The following SRGAP1 variants were observed in gnomAD, a reference collection of about 807,000 sequenced individuals.
SRGAP1 encodes the protein SLIT-ROBO Rho GTPase-activating protein 1.
SRGAP1 carries 43 observed loss-of-function variants against 121.9 expected under a neutral mutation model. That is an observed-to-expected ratio of 0.35 (90% CI 0.28 to 0.46). The LOEUF (loss-of-function observed/expected upper bound fraction) is 0.46, where lower values mean the gene tolerates loss of function less well. Ranked by LOEUF, SRGAP1 falls within the 20% of genes least tolerant of loss-of-function variation. SRGAP1 has a pLI of 1.00. For synonymous variants in SRGAP1, 447 were observed against 485.4 expected (o/e 0.92, Z 1.04); for missense variants, 1,102 against 1,350.9 (o/e 0.82, Z 2.89).
At chr12:63,969,328 AG>A (rs1328770062) in intron 1 of SRGAP1, among the ~76,000 whole-genome samples, 1 of 151,842 alleles carries the variant, frequency 6.6e-6, no homozygotes, top group African/African-American at 2.4e-5. Context: ...ACCATTTCTA[AG>A]GTCTTAAAGC....
chr12:64,075,279 T>C (rs989909123), intron 8 of SRGAP1, among the ~76,000 whole-genome samples: 2 of 152,264 alleles, frequency 1.3e-5, no homozygotes, highest in African/African-American at 4.8e-5. Context: ...GCTAGTTAAC[T>C]GCAGCAGGAG....
At chr12:63,880,392 T>C (rs1239954727) in intron 1 of SRGAP1, among the ~76,000 whole-genome samples, 9 of 152,076 alleles carry the variant, frequency 5.9e-5, no homozygotes, top group Non-Finnish European at 1.2e-4. Flanking sequence ...CCACCCCGCC[T>C]GACTAATTTT....
At chr12:64,047,687 CAA>C (rs942227555) in intron 6 of SRGAP1, among the ~76,000 whole-genome samples, 1 of 152,156 alleles carries the variant, frequency 6.6e-6, no homozygotes, top group East Asian at 1.9e-4. Flanking sequence ...TTTTTTCTAA[CAA>C]AGTTTCTATG....
In SRGAP1 at chr12:64,142,591, T is replaced by G; in HGVS notation, c.3177T>G (p.Pro1059=). The change falls in exon 22 of 22, where the codon CCT becomes CCG. Residue 1059 remains proline, a synonymous_variant. Coordinates refer to ENST00000355086, the MANE Select transcript of SRGAP1 (RefSeq NM_020762.4). ...AGCCTCCAGCCCTTAGGCCAAAACC[T>G]GCTGTTCTTCCAAAAACAAATCCTA... The part of the protein sequence containing the change: ...QLKPPALRPK[P]AVLPKTNPTI... 6.2e-7 allele frequency: 1 copy of G among 1,614,158 alleles called. No individual in the cohort carries two copies.
At chr12:63,981,788 GA>G (rs2033255599) in intron 1 of SRGAP1, among the ~76,000 whole-genome samples, 1 of 152,180 alleles carries the variant, frequency 6.6e-6, no homozygotes, top group Non-Finnish European at 1.5e-5. Context: ...GGACTCCCCA[GA>G]AACAGCAGTA....
intron 4 of SRGAP1, among the ~76,000 whole-genome samples, chr12:64,036,465 A>G (rs897353926): frequency 6.6e-6 from 1 of 152,218 alleles, no homozygotes; most frequent in East Asian, 1.9e-4. Flanking sequence ...TAGGTAGTTG[A>G]TAAGAAACCC....
chr12:64,047,590 AT>A (rs1483798274), intron 6 of SRGAP1, among the ~76,000 whole-genome samples: 1 of 152,202 alleles, frequency 6.6e-6, no homozygotes, highest in African/African-American at 2.4e-5. Flanking sequence ...AATTCAAAGC[AT>A]TATAAAGAGT....
intron 4 of SRGAP1, among the ~76,000 whole-genome samples, chr12:64,024,256 C>G (rs777817746): frequency 5.9e-5 from 9 of 152,098 alleles, no homozygotes; most frequent in Non-Finnish European, 1.2e-4. Flanking sequence ...TGGCAAAAAC[C>G]TGTCTCTCCT....
intron 10 of SRGAP1, 27 bp from the exon 11 acceptor site, chr12:64,086,968 AGTTT>A (rs2136575751): frequency 1.3e-6 from 2 of 1,564,402 alleles, no homozygotes; most frequent in East Asian, 4.5e-5. Flanking sequence ...GATTCCTTTC[AGTTT>A]ACTTACTTTA....
chr12:64,148,477 T>C lies in SRGAP1; in HGVS notation c.*5805T>C, dbSNP rs977879711. On this transcript the variant is annotated 3_prime_UTR_variant, in exon 22 of 22. Coordinates refer to ENST00000355086, the MANE Select transcript of SRGAP1 (RefSeq NM_020762.4). ...TCGTATTTTTAGTGGAAACGGGGTT[T>C]CACCATGTTGGCCAGGCTGGTCTCA... The C allele has an allele frequency of 1.3e-5, 2 of 152,124 alleles. No homozygotes were observed. Among genetic ancestry groups the C allele is most frequent in the African/African-American group, 4.8e-5 (2 of 41,492 alleles). 9.4% of individuals were successfully genotyped at this position (152,124 alleles called of 1,614,324 possible). A position where few individuals can be genotyped will look rare whatever the true frequency, so the allele number is the denominator to read the frequency against.
chr12:63,854,805 G>A (rs1899185322), intron 1 of SRGAP1, among the ~76,000 whole-genome samples: 1 of 152,196 alleles, frequency 6.6e-6, no homozygotes, highest in Non-Finnish European at 1.5e-5. Context: ...TTGCTATCAT[G>A]AATAGTAATA....
At chr12:63,904,318 T>C (rs1196905764) in intron 1 of SRGAP1, among the ~76,000 whole-genome samples, 1 of 152,190 alleles carries the variant, frequency 6.6e-6, no homozygotes, top group Non-Finnish European at 1.5e-5. Flanking sequence ...CACAGTGATG[T>C]GAACAGAAAT....
intron 1 of SRGAP1, among the ~76,000 whole-genome samples, chr12:63,847,610 G>A (rs1592875907): frequency 6.6e-6 from 1 of 152,092 alleles, no homozygotes; most frequent in African/African-American, 2.4e-5. Context: ...GCCGGACATG[G>A]TGGTGCATGC....
chr12:63,914,648 G>A (rs1301468598), intron 1 of SRGAP1, among the ~76,000 whole-genome samples: 1 of 152,094 alleles, frequency 6.6e-6, no homozygotes, highest in Non-Finnish European at 1.5e-5. Flanking sequence ...GCACAGGTTT[G>A]CCTTTCTTTG....
intron 1 of SRGAP1, among the ~76,000 whole-genome samples, chr12:63,917,603 G>A (rs1195921398): frequency 7.6e-6 from 1 of 131,408 alleles, no homozygotes; most frequent in Non-Finnish European, 1.7e-5. Flanking sequence ...CATCATCTAG[G>A]ATGTGAAAGA....
chr12:64,069,137 T>G (rs1437414202), intron 8 of SRGAP1, among the ~76,000 whole-genome samples: 1 of 152,158 alleles, frequency 6.6e-6, no homozygotes, highest in East Asian at 1.9e-4. Context: ...GGTAACTGAC[T>G]TCCCTTAGAC....
At chr12:63,861,791 A>G (rs770508921) in intron 1 of SRGAP1, among the ~76,000 whole-genome samples, 17 of 152,138 alleles carry the variant, frequency 1.1e-4, no homozygotes, top group Non-Finnish European at 2.5e-4. Context: ...ATTTGAAACC[A>G]GCCTGGGCAA....
chr12:63,934,409 G>A (rs61933135), intron 1 of SRGAP1, among the ~76,000 whole-genome samples: 4,616 of 152,062 alleles, frequency 0.03, 113 homozygotes, highest in Middle Eastern at 0.068. Flanking sequence ...CCACCTATCC[G>A]AAGAAACCCT....
chr12:64,067,863 G>C (rs1288969269), intron 8 of SRGAP1, among the ~76,000 whole-genome samples: 1 of 151,826 alleles, frequency 6.6e-6, no homozygotes, highest in Non-Finnish European at 1.5e-5. Context: ...AGGCTGCATG[G>C]AGCTATGGTT....
Sources: allele counts gnomAD v4.1 joint callset (sites outside exome capture counted in the v4.1 genomes callset), GRCh38; gene constraint gnomAD v4.1.1; transcripts MANE v1.5; gene names NCBI Gene and HGNC (gene_info 2026-07-23, HGNC 2026-07-21).